Variants in ANK2 observed in about 807,000 individuals in gnomAD.
ANK2 encodes the protein ankyrin-2.
Under a neutral mutation model 360.5 loss-of-function variants are expected in ANK2, and 83 were observed. The observed-to-expected ratio is 0.23, with a 90% CI of 0.19 to 0.28. The LOEUF (loss-of-function observed/expected upper bound fraction) is 0.28. ANK2 is among the 10% of genes least tolerant of loss of function. ANK2 has a pLI of 1.00. For synonymous variants in ANK2, 1,740 were observed against 1,759.5 expected (o/e 0.99, Z 0.28); for missense variants, 4,201 against 4,795.7 (o/e 0.88, Z 3.66).
In ANK2 at chr4:113,356,312, T is replaced by G; in HGVS notation, c.7694T>G (p.Ile2565Ser). ...TDVSTPKPAV[I>S]HECAEEDDSE... ...GTAAGTACACCAAAACCAGCTGTGA[T>G]TCATGAATGTGCAGAGGAGGATGAT... Residue 2565 changes from isoleucine (I) to serine (S), a missense_variant, in exon 38 of 46, where the codon ATT (isoleucine) becomes AGT (serine). Around this residue, in one of 4 missense-constraint regions of ANK2, gnomAD observed 2,642 missense variants for 2,714.5 expected, o/e 0.97. Transcript: ENST00000357077. 1 of 1,614,108 alleles carries G rather than the reference T, an allele frequency of 6.2e-7. No individual in the cohort carries two copies. The highest frequency in any genetic ancestry group is 8.5e-7 in the Non-Finnish European group (1 of 1,179,986).
chr4:113,308,682 T>C (rs1280705744), intron 23 of ANK2, among the ~76,000 whole-genome samples: 1 of 152,192 alleles, frequency 6.6e-6, no homozygotes, highest in Non-Finnish European at 1.5e-5. Flanking sequence ...ATCTGCTTGA[T>C]AAGTTTGATT....
At chr4:113,143,906 A>C (rs775384018) in intron 1 of ANK2, among the ~76,000 whole-genome samples, 4 of 152,256 alleles carry the variant, frequency 2.6e-5, no homozygotes, top group Non-Finnish European at 5.9e-5. Flanking sequence ...GTTAGTCTAT[A>C]TAAAATTATT....
chr4:113,346,923 A>G (rs2094924447), intron 35 of ANK2, among the ~76,000 whole-genome samples: 1 of 152,170 alleles, frequency 6.6e-6, no homozygotes, highest in South Asian at 2.1e-4. Flanking sequence ...TCATTCTTTT[A>G]AATTTTTTTA....
intron 1 of ANK2, among the ~76,000 whole-genome samples, chr4:113,161,695 C>CCTGTGT (rs1435437669): frequency 3.5e-5 from 5 of 144,742 alleles, no homozygotes; most frequent in African/African-American, 1.3e-4. Flanking sequence ...GTTTTAGTCT[C>CCTGTGT]GTGTGTGTGT....
intron 18 of ANK2, among the ~76,000 whole-genome samples, chr4:113,287,302 C>A (rs998206464): frequency 2.0e-5 from 3 of 152,202 alleles, no homozygotes. Flanking sequence ...ATTTGAAATA[C>A]ATGCCATTTG....
Position 113,277,747 on chromosome 4 carries a change from A to G in ANK2, c.1684-90A>G, listed in dbSNP as rs1238604539. 1.0e-5 allele frequency: 10 copies of G among 993,118 alleles called. No individual in the cohort carries two copies. The East Asian group carries it at 2.3e-4, about 22-fold the overall frequency. The allele number at this position is 993,118 out of a possible 1,614,324, so 61.5% of individuals were successfully genotyped here. ...TATTTTTTCCAAATGAAGAATCAGT[A>G]TACTTTGCTCAATATGTTAACAAAT... On this transcript the variant is annotated intron_variant, in intron 15 of 45. Coordinates refer to ENST00000357077, the MANE Select transcript of ANK2 (RefSeq NM_001148.6).
chr4:113,247,786 T>C (rs1298971217), intron 9 of ANK2, among the ~76,000 whole-genome samples: 2 of 152,236 alleles, frequency 1.3e-5, no homozygotes, highest in African/African-American at 2.4e-5. Context: ...CTGTTACATA[T>C]GATGTCTCTG....
chr4:113,344,637 A>G (rs2094628507), intron 34 of ANK2, among the ~76,000 whole-genome samples: 2 of 152,208 alleles, frequency 1.3e-5, no homozygotes, highest in South Asian at 2.1e-4. Flanking sequence ...GAAACAACCC[A>G]AAAGTCCAAA....
At chr4:113,048,277 T>TATATA (rs1491332643), upstream of ANK2, among the ~76,000 whole-genome samples, 7 of 33,796 alleles carry the variant, frequency 2.1e-4, no homozygotes, top group African/African-American at 5.1e-4. Flanking sequence ...TATATATATA[T>TATATA]TTTTTTTTTT....
chr4:113,366,487 G>A (rs2154057472), intron 41 of ANK2, among the ~76,000 whole-genome samples: 1 of 131,846 alleles, frequency 7.6e-6, no homozygotes, highest in Middle Eastern at 5.3e-3. Context: ...TATCTTAACT[G>A]TTGAGCAAGA....
rs146094149 is a variant in ANK2, at chr4:113,291,429, A to G, written c.2278-987A>G. On this transcript the variant is annotated intron_variant, in intron 20 of 45. Transcript: ENST00000357077. ...TTTATAAGGAGATGTAAGACTTCCA[A>G]CATGACAGAGTTGAGGATGTGCCAC... 5.6e-3 allele frequency among the ~76,000 whole-genome samples: 819 copies of G among 146,346 alleles called. 7 individuals are homozygous for G. Among genetic ancestry groups the G allele is most frequent in the African/African-American group, 0.019 (770 of 40,466 alleles).
intron 27 of ANK2, among the ~76,000 whole-genome samples, chr4:113,331,407 G>A (rs1165785165): frequency 6.6e-6 from 1 of 152,172 alleles, no homozygotes. Context: ...AAAGGGGTGT[G>A]TTTATATTTC....
At chr4:113,073,699 G>A (rs111780121) in intron 1 of ANK2, among the ~76,000 whole-genome samples, 1 of 152,136 alleles carries the variant, frequency 6.6e-6, no homozygotes, top group Non-Finnish European at 1.5e-5. Context: ...AAGAAAAGAA[G>A]GGAAAGAAGC....
At position 113,287,634 on chromosome 4, in the gene ANK2, C is replaced by G. The variant is rs1444995932; in HGVS notation, c.2109C>G (p.Ala703=). The G allele has an allele frequency of 6.2e-7, 1 of 1,613,238 alleles. No homozygotes were observed. Among genetic ancestry groups the G allele is most frequent in the East Asian group, 2.2e-5 (1 of 44,874 alleles). Residue 703 remains alanine (A), a synonymous_variant, in exon 19 of 46, where the codon GCC becomes GCG. Transcript: ENST00000357077. ...GACTCACATCCTTACACCTTGCAGC[C>G]CAGGAAGATAAAGTGAATGTTGCTG... ...KSGLTSLHLA[A]QEDKVNVADI...
chr4:113,104,337 A>G (rs1056813954), intron 1 of ANK2, among the ~76,000 whole-genome samples: 1 of 152,196 alleles, frequency 6.6e-6, no homozygotes, highest in African/African-American at 2.4e-5. Context: ...AAAACCTTCT[A>G]AAAAACCTTA....
At chr4:113,216,034 A>C (rs917713420) in intron 4 of ANK2, among the ~76,000 whole-genome samples, 1 of 152,130 alleles carries the variant, frequency 6.6e-6, no homozygotes, top group Non-Finnish European at 1.5e-5. Context: ...TTTTTTCCCA[A>C]CTGTTAAATC....
intron 1 of ANK2, among the ~76,000 whole-genome samples, chr4:112,864,166 G>A (rs549375827): frequency 1.6e-4 from 24 of 152,164 alleles, no homozygotes; most frequent in African/African-American, 5.8e-4. Context: ...CCAAAATAAG[G>A]GTTCTGGTTA....
intron 13 of ANK2, among the ~76,000 whole-genome samples, chr4:113,260,352 A>G (rs1488646981): frequency 6.6e-6 from 1 of 152,204 alleles, no homozygotes; most frequent in African/African-American, 2.4e-5. Flanking sequence ...GAAGACTTTC[A>G]AATTTGACAA....
At chr4:112,827,322 GA>G (rs2058622834) in intron 1 of ANK2, 26 of 1,168,444 alleles carry the variant, frequency 2.2e-5, no homozygotes, top group Non-Finnish European at 1.3e-6. Flanking sequence ...GATTAAAGCA[GA>G]AAGCCAATGA....
Sources: gnomAD v4.1 joint callset for allele counts (sites outside exome capture counted in the v4.1 genomes callset) on GRCh38, gnomAD v4.1.1 for gene constraint, gnomAD v4.1.1 regional missense constraint, MANE v1.5 for transcripts, NCBI Gene and HGNC (gene_info 2026-07-23, HGNC 2026-07-21) for gene names.